Variants in WDR7 observed in about 807,000 individuals in gnomAD.
The protein encoded by WDR7 is WD repeat domain 7.
WDR7 carries 46 observed loss-of-function variants against 169.4 expected under a neutral mutation model. That is an observed-to-expected ratio of 0.27 (90% CI 0.21 to 0.35). The LOEUF (loss-of-function observed/expected upper bound fraction) is 0.35, where lower values mean the gene tolerates loss of function less well. WDR7 is among the 10% of genes least tolerant of loss of function. The pLI, the probability that WDR7 is intolerant of heterozygous loss-of-function variation, is 1.00. For synonymous variants in WDR7, 612 were observed against 666.8 expected (o/e 0.92, Z 1.27); for missense variants, 1,534 against 1,859.3 (o/e 0.83, Z 3.22).
chr18:56,735,563 ATT>A (rs1193888064), intron 14 of WDR7, among the ~76,000 whole-genome samples: 1 of 152,160 alleles, frequency 6.6e-6, no homozygotes, highest in African/African-American at 2.4e-5. Context: ...GCCTGCTGTC[ATT>A]TGATTTTTTT....
chr18:56,779,332 T>A (rs1017313825), intron 17 of WDR7, 99 bp from the exon 18 acceptor site: 2 of 787,146 alleles, frequency 2.5e-6, no homozygotes, highest in African/African-American at 1.7e-5. Flanking sequence ...ACTTAGCAGA[T>A]CTGCCTTTTT....
chr18:56,907,718 G>A (rs553816123), intron 21 of WDR7, among the ~76,000 whole-genome samples: 1 of 152,176 alleles, frequency 6.6e-6, no homozygotes, highest in African/African-American at 2.4e-5. Context: ...AGTGGATTCA[G>A]TATCTGGTGA....
intron 21 of WDR7, among the ~76,000 whole-genome samples, chr18:56,915,161 AAC>A (rs1327171049): frequency 6.6e-6 from 1 of 152,248 alleles, no homozygotes; most frequent in Non-Finnish European, 1.5e-5. Flanking sequence ...TAATTGCATT[AAC>A]ACAAAGCTTC....
intron 19 of WDR7, 84 bp downstream of exon 19, chr18:56,781,740 C>A: frequency 7.7e-7 from 1 of 1,300,956 alleles, no homozygotes; most frequent in Non-Finnish European, 9.9e-7. Context: ...ATGCTACTAC[C>A]CATCAACAAA....
Position 56,664,697 on chromosome 18 carries a change from C to T in WDR7, c.-19-7800C>T, listed in dbSNP as rs1302661885. Among the ~76,000 whole-genome samples, 4 of 152,088 alleles carry T rather than the reference C, an allele frequency of 2.6e-5. No individual in the cohort carries two copies. The East Asian group carries it at 7.7e-4, about 29-fold the overall frequency. ...ATACATATTGACCCCTAGTAAAAGT[C>T]AGCGTTTTAGGTGCAGATATGCAGC... On this transcript the variant is annotated intron_variant, in intron 1 of 27. Coordinates refer to ENST00000254442, the MANE Select transcript of WDR7 (RefSeq NM_015285.3).
intron 20 of WDR7, among the ~76,000 whole-genome samples, chr18:56,879,340 TG>T (rs1296045785): frequency 6.6e-6 from 1 of 152,224 alleles, no homozygotes; most frequent in African/African-American, 2.4e-5. Context: ...GGTATCTCAT[TG>T]TGGTTTTGCT....
At chr18:57,036,014 T>C in the WDR7 span, 3 of 152,222 alleles carry the variant, frequency 2.0e-5, no homozygotes, top group Non-Finnish European at 4.4e-5. Flanking sequence ...TGCCCAGTAG[T>C]AAGCAATGGA....
chr18:56,706,173 TAAAG>T (rs2025948852), intron 12 of WDR7, among the ~76,000 whole-genome samples: 1 of 152,190 alleles, frequency 6.6e-6, no homozygotes, highest in Admixed American at 6.5e-5. Flanking sequence ...GTTATTTGTC[TAAAG>T]AAAGATTTGA....
intron 19 of WDR7, among the ~76,000 whole-genome samples, chr18:56,814,614 A>G (rs2044931797): frequency 1.3e-5 from 2 of 152,152 alleles, no homozygotes; most frequent in African/African-American, 4.8e-5. Flanking sequence ...AAAGAAGGGA[A>G]CAACAGACAC....
At chr18:56,797,557 A>T (rs1199368871) in intron 19 of WDR7, among the ~76,000 whole-genome samples, 2 of 151,882 alleles carry the variant, frequency 1.3e-5, no homozygotes, top group African/African-American at 2.4e-5. Context: ...TATAAATAGG[A>T]TATGTAGGAA....
intron 25 of WDR7, among the ~76,000 whole-genome samples, chr18:56,949,584 G>A (rs1320130921): frequency 6.6e-6 from 1 of 152,184 alleles, no homozygotes; most frequent in Non-Finnish European, 1.5e-5. Context: ...AGTGAGGAAT[G>A]TTTTAATAGC....
intron 20 of WDR7, among the ~76,000 whole-genome samples, chr18:56,835,246 A>G (rs2045378231): frequency 6.6e-6 from 1 of 152,176 alleles, no homozygotes; most frequent in Non-Finnish European, 1.5e-5. Flanking sequence ...AAGAACTAGT[A>G]AAGGATTCAC....
At chr18:57,008,658 CT>C (rs2048098180) in intron 26 of WDR7, among the ~76,000 whole-genome samples, 1 of 152,160 alleles carries the variant, frequency 6.6e-6, no homozygotes, top group Admixed American at 6.5e-5. Flanking sequence ...CTCTCTGTAC[CT>C]TTTTCTGACA....
chr18:56,855,145 G>T (rs963475268), intron 20 of WDR7, among the ~76,000 whole-genome samples: 18 of 151,980 alleles, frequency 1.2e-4, no homozygotes, highest in Non-Finnish European at 2.4e-4. Context: ...ATGTCTTATT[G>T]TGCCCTTGGT....
chr18:56,889,716 T>C (rs1028420041), intron 21 of WDR7, among the ~76,000 whole-genome samples: 21 of 152,166 alleles, frequency 1.4e-4, no homozygotes, highest in Admixed American at 1.3e-3. Flanking sequence ...TTGTGTGTTA[T>C]AAAGAAGATT....
chr18:56,821,384 AGAG>A (rs1568214636), intron 20 of WDR7, among the ~76,000 whole-genome samples: 2 of 152,266 alleles, frequency 1.3e-5, no homozygotes, highest in South Asian at 4.2e-4. Flanking sequence ...ACAAGCTGAG[AGAG>A]ATAACTTTTA....
At chr18:57,004,400 A>G (rs1470322099) in intron 26 of WDR7, among the ~76,000 whole-genome samples, 1 of 152,130 alleles carries the variant, frequency 6.6e-6, no homozygotes, top group African/African-American at 2.4e-5. Context: ...CATAGAAACT[A>G]TTATAAATAG....
At chr18:56,688,750 A>G (rs1480118338) in intron 7 of WDR7, among the ~76,000 whole-genome samples, 2 of 151,532 alleles carry the variant, frequency 1.3e-5, no homozygotes, top group Non-Finnish European at 2.9e-5. Flanking sequence ...AAAAGGGGCA[A>G]GAGGATACAG....
In WDR7 at chr18:57,010,102, C is replaced by T. The variant is rs564520418; in HGVS notation, c.4165-10643C>T. ...GAGATAATCAAGACCATTCATGCTG[C>T]TGAGGAACTCCATGTGGAAGCAGGA... On this transcript the variant is annotated intron_variant, in intron 26 of 27. Transcript: ENST00000254442. 7 of 985,452 alleles carry T rather than the reference C, an allele frequency of 7.1e-6. No homozygotes were observed. The East Asian group carries it at 7.9e-4, about 112-fold the overall frequency. The allele number at this position is 985,452 out of a possible 1,614,324, so 61.0% of individuals were successfully genotyped here.
Sources: gnomAD v4.1 joint callset for allele counts (sites outside exome capture counted in the v4.1 genomes callset) on GRCh38, gnomAD v4.1.1 for gene constraint, MANE v1.5 for transcripts, NCBI Gene and HGNC (gene_info 2026-07-23, HGNC 2026-07-21) for gene names.